SMAD6: variants seen among roughly 807,000 people sequenced by gnomAD.
The protein encoded by SMAD6 is MAD homolog 6.
A neutral mutation model predicts 39.4 loss-of-function variants in SMAD6; 103 were observed. The ratio of observed to expected loss-of-function variants is 2.62; its 90% CI spans 2.23 to 3.08. The LOEUF (loss-of-function observed/expected upper bound fraction) is 3.08, where lower values mean the gene tolerates loss of function less well. Ranked by LOEUF, SMAD6 falls within the 30% of genes most tolerant of loss-of-function variation. The probability of loss-of-function intolerance (pLI) is 0.00; values close to 1 mark genes in which losing one functional copy is unlikely to be tolerated. For missense variants in SMAD6, 1,104 were observed against 742.9 expected, an observed-to-expected ratio of 1.49 and a Z score of -5.65; for synonymous variants, 445 against 353.3, an observed-to-expected ratio of 1.26 and a Z score of -2.91.
At chr15:66,732,030 G>A (rs1193993159) in intron 3 of SMAD6, among the ~76,000 whole-genome samples, 4 of 147,592 alleles carry the variant, frequency 2.7e-5, no homozygotes, top group Non-Finnish European at 3.0e-5. Flanking sequence ...TGTAACCTCT[G>A]CCTCCCGGGT....
chr15:66,736,407 A>C (rs1893712842), intron 3 of SMAD6, among the ~76,000 whole-genome samples: 1 of 152,188 alleles, frequency 6.6e-6, no homozygotes, highest in African/African-American at 2.4e-5. Flanking sequence ...CCTAGGTTAC[A>C]CATCTTGTAA....
intron 3 of SMAD6, among the ~76,000 whole-genome samples, chr15:66,760,729 A>G (rs1004925668): frequency 6.6e-6 from 1 of 152,166 alleles, no homozygotes; most frequent in African/African-American, 2.4e-5. Flanking sequence ...CAGACACACT[A>G]GTCAGGGCCA....
chr15:66,781,873 A>G lies in SMAD6; in HGVS notation c.*338A>G. The G allele has an allele frequency of 2.5e-6, 1 of 398,422 alleles. No homozygotes were observed. The highest frequency in any genetic ancestry group is 2.1e-5 in the African/African-American group (1 of 48,704). 24.7% of individuals were successfully genotyped at this position (398,422 alleles called of 1,614,324 possible). ...TACTTTTTATATATATATATAAAGA[A>G]AATGATACAGCAGAGCTAGGTGGAA... On this transcript the variant is annotated 3_prime_UTR_variant, in exon 4 of 4. Transcript: ENST00000288840.
At chr15:66,753,058 A>G (rs1894035233) in intron 3 of SMAD6, among the ~76,000 whole-genome samples, 1 of 152,170 alleles carries the variant, frequency 6.6e-6, no homozygotes, top group Non-Finnish European at 1.5e-5. Flanking sequence ...AGGTTGTTTC[A>G]TTATTGCCAT....
intron 3 of SMAD6, chr15:66,741,072 T>G (rs949906635): frequency 6.6e-6 from 1 of 152,210 alleles, no homozygotes; most frequent in East Asian, 1.9e-4. Context: ...AGGCCTCCAA[T>G]GGCCCTCATC....
At chr15:66,761,859 C>CT (rs1470542170) in intron 3 of SMAD6, among the ~76,000 whole-genome samples, 1 of 152,196 alleles carries the variant, frequency 6.6e-6, no homozygotes, top group Non-Finnish European at 1.5e-5. Context: ...CTTTTCAGAG[C>CT]TTTTACCAAC....
intron 3 of SMAD6, among the ~76,000 whole-genome samples, chr15:66,724,339 G>A (rs1430609011): frequency 6.6e-6 from 1 of 151,710 alleles, no homozygotes; most frequent in Admixed American, 6.6e-5. Context: ...TTTGCCTGGG[G>A]TAAAGAGATC....
At chr15:66,762,719 A>G (rs937844093) in intron 3 of SMAD6, among the ~76,000 whole-genome samples, 4 of 152,110 alleles carry the variant, frequency 2.6e-5, no homozygotes, top group African/African-American at 9.7e-5. Flanking sequence ...ATATAGATAA[A>G]GAATCCCTTC....
intron 3 of SMAD6, among the ~76,000 whole-genome samples, chr15:66,732,227 C>T (rs972921432): frequency 6.6e-6 from 1 of 152,178 alleles, no homozygotes; most frequent in Admixed American, 6.5e-5. Flanking sequence ...AGACATGAGC[C>T]ACCATGCCTG....
At chr15:66,738,745 C>T (rs1164503571) in intron 3 of SMAD6, among the ~76,000 whole-genome samples, 1 of 151,962 alleles carries the variant, frequency 6.6e-6, no homozygotes, top group Non-Finnish European at 1.5e-5. Flanking sequence ...GTGGCTGTGT[C>T]GGGGGCCAGA....
chr15:66,753,006 G>A (rs536725065), intron 3 of SMAD6, among the ~76,000 whole-genome samples: 6 of 152,318 alleles, frequency 3.9e-5, no homozygotes, highest in Admixed American at 3.3e-4. Context: ...CATGCTTTCA[G>A]TGTGCTGTCT....
chr15:66,739,291 A>G (rs1041228443), intron 3 of SMAD6, among the ~76,000 whole-genome samples: 3 of 151,918 alleles, frequency 2.0e-5, no homozygotes, highest in Admixed American at 6.6e-5. Flanking sequence ...GGGTTTTACC[A>G]TGTTGGCCAG....
intron 3 of SMAD6, among the ~76,000 whole-genome samples, chr15:66,758,234 T>C (rs1233228260): frequency 6.6e-6 from 1 of 152,210 alleles, no homozygotes; most frequent in Non-Finnish European, 1.5e-5. Flanking sequence ...TGACATTCTC[T>C]CTATATAGAA....
Position 66,781,056 on chromosome 15 carries a change from G to C in SMAD6, c.1012G>C (p.Glu338Gln). ...CCACTGGTGCAGCGTGGCGTACTGGGAGCACCGGACGCGCGTGGGCCGCCT... is the reference window on the plus strand; with the variant it reads ...CCACTGGTGCAGCGTGGCGTACTGGCAGCACCGGACGCGCGTGGGCCGCCT... ...PSHWCSVAYW[E>Q]HRTRVGRLYA... The change falls in exon 4 of 4, where the codon GAG (glutamate) becomes CAG (glutamine). Residue 338 changes from glutamate (E) to glutamine (Q), a missense_variant. By Grantham distance (29) the Glu-to-Gln change is conservative (BLOSUM62 2). Coordinates refer to ENST00000288840, the MANE Select transcript of SMAD6 (RefSeq NM_005585.5). The C allele has an allele frequency of 6.2e-7, 1 of 1,603,152 alleles. No homozygotes were observed. Among genetic ancestry groups the C allele is most frequent in the Non-Finnish European group, 8.5e-7 (1 of 1,178,456 alleles).
intron 3 of SMAD6, among the ~76,000 whole-genome samples, chr15:66,757,563 C>T (rs1366143236): frequency 6.6e-6 from 1 of 152,150 alleles, no homozygotes; most frequent in Non-Finnish European, 1.5e-5. Context: ...TCTCCCAGGC[C>T]GGGGGCTGGT....
intron 3 of SMAD6, among the ~76,000 whole-genome samples, chr15:66,752,288 A>G (rs1158141686): frequency 3.3e-5 from 5 of 152,184 alleles, no homozygotes; most frequent in Admixed American, 2.0e-4. Flanking sequence ...CCACAGATAC[A>G]GGAGGAGATC....
chr15:66,732,110 A>AT (rs1354630571), intron 3 of SMAD6, among the ~76,000 whole-genome samples: 1 of 151,676 alleles, frequency 6.6e-6, no homozygotes, highest in Non-Finnish European at 1.5e-5. Flanking sequence ...CACCCAGCTA[A>AT]TTTTTTGTAT....
At chr15:66,755,258 A>G (rs1191449966) in intron 3 of SMAD6, among the ~76,000 whole-genome samples, 1 of 152,172 alleles carries the variant, frequency 6.6e-6, no homozygotes, top group Non-Finnish European at 1.5e-5. Flanking sequence ...TCCAGCAGAA[A>G]TTTCTGTTTG....
At chr15:66,758,259 A>T (rs1251932175) in intron 3 of SMAD6, among the ~76,000 whole-genome samples, 1 of 152,238 alleles carries the variant, frequency 6.6e-6, no homozygotes, top group Non-Finnish European at 1.5e-5. Context: ...AACACTGCTA[A>T]AGCAGAATCC....
Sources: allele counts gnomAD v4.1 joint callset (sites outside exome capture counted in the v4.1 genomes callset), GRCh38; gene constraint gnomAD v4.1.1; transcripts MANE v1.5; gene names NCBI Gene and HGNC (gene_info 2026-07-23, HGNC 2026-07-21).